The following HIVEP3 variants were observed in gnomAD, a reference collection of about 807,000 sequenced individuals.
The protein encoded by HIVEP3 is transcription factor HIVEP3.
In HIVEP3, 49 loss-of-function variants were observed where a neutral mutation model predicts 152.8. That is an observed-to-expected ratio of 0.32 (90% CI 0.26 to 0.41). The LOEUF (loss-of-function observed/expected upper bound fraction) is 0.41, where lower values mean the gene tolerates loss of function less well. Ranked by LOEUF, HIVEP3 falls within the 10% of genes least tolerant of loss-of-function variation. HIVEP3 has a pLI of 1.00. For synonymous variants in HIVEP3, 1,269 were observed against 1,289.0 expected (o/e 0.98, Z 0.33); for missense variants, 2,790 against 3,103.3 (o/e 0.90, Z 2.40).
chr1:41,933,195 C>T (rs940108481), intron 1 of HIVEP3, among the ~76,000 whole-genome samples: 1 of 151,962 alleles, frequency 6.6e-6, no homozygotes, highest in African/African-American at 2.4e-5. Context: ...GATAATGTTG[C>T]TCCAGTCATC....
chr1:41,804,616 T>C (rs777523088), intron 1 of HIVEP3, among the ~76,000 whole-genome samples: 6 of 152,328 alleles, frequency 3.9e-5, no homozygotes, highest in Non-Finnish European at 7.4e-5. Flanking sequence ...GGATTTAGAT[T>C]TCCTTAGATT....
At position 41,546,357 on chromosome 1, in the gene HIVEP3, T is replaced by C. The variant is rs573324575; in HGVS notation, c.5208-21447A>G. On this transcript the variant is annotated intron_variant, in intron 5 of 8. Transcript: ENST00000372583. ...ATCAGCTCCCTTCATGGCCTGAGAG[T>C]GGGAAATTCAGGGCACAGAAAAGCA... 1.7e-3 allele frequency among the ~76,000 whole-genome samples: 257 copies of C among 151,982 alleles called. 1 individual carries two copies. Among genetic ancestry groups the C allele is most frequent in the African/African-American group, 5.9e-3 (246 of 41,434 alleles).
At chr1:41,858,157 A>G (rs1443995562) in intron 1 of HIVEP3, among the ~76,000 whole-genome samples, 1 of 152,158 alleles carries the variant, frequency 6.6e-6, no homozygotes, top group Non-Finnish European at 1.5e-5. Context: ...CCCAGTAATC[A>G]ATGCTCCACG....
At chr1:41,746,829 T>C (rs1292779897) in intron 1 of HIVEP3, among the ~76,000 whole-genome samples, 2 of 152,180 alleles carry the variant, frequency 1.3e-5, no homozygotes, top group Non-Finnish European at 2.9e-5. Context: ...TGGCTGCCAC[T>C]ATCACTATCT....
At chr1:41,867,190 G>T (rs1454340947) in intron 1 of HIVEP3, among the ~76,000 whole-genome samples, 1 of 152,096 alleles carries the variant, frequency 6.6e-6, no homozygotes, top group African/African-American at 2.4e-5. Context: ...CTAGCTCAGG[G>T]CCAGCCTCCG....
chr1:41,963,531 G>C (rs537519095), intron 1 of HIVEP3, among the ~76,000 whole-genome samples: 1 of 144,500 alleles, frequency 6.9e-6, no homozygotes, highest in Admixed American at 6.8e-5. Flanking sequence ...GGTGGGGGGA[G>C]CGGCGAGGGG....
chr1:42,013,583 G>A (rs752900392), intron 1 of HIVEP3, among the ~76,000 whole-genome samples: 66 of 152,286 alleles, frequency 4.3e-4, no homozygotes, highest in Non-Finnish European at 9.1e-4. Context: ...CAGAATAAGG[G>A]GAGGGCCATG....
intron 1 of HIVEP3, among the ~76,000 whole-genome samples, chr1:41,844,711 A>C (rs965786724): frequency 6.6e-6 from 1 of 152,268 alleles, no homozygotes; most frequent in African/African-American, 2.4e-5. Context: ...TCCACCCTCT[A>C]CAACAATGTT....
chr1:41,980,240 G>A (rs1439776314), intron 1 of HIVEP3, among the ~76,000 whole-genome samples: 5 of 152,160 alleles, frequency 3.3e-5, no homozygotes, highest in East Asian at 1.9e-4. Context: ...ATATGTCCAC[G>A]TAAAGACTTG....
chr1:41,729,660 C>T (rs1014420378), intron 1 of HIVEP3, among the ~76,000 whole-genome samples: 3 of 152,172 alleles, frequency 2.0e-5, no homozygotes, highest in Non-Finnish European at 2.9e-5. Context: ...GGGCCCTGAC[C>T]GAGGCCACCA....
chr1:41,796,597 C>A (rs1002323625), intron 1 of HIVEP3, among the ~76,000 whole-genome samples: 4 of 152,228 alleles, frequency 2.6e-5, no homozygotes, highest in Admixed American at 1.3e-4. Flanking sequence ...CATGCCAGGG[C>A]CCCTCTCTAG....
At position 41,691,514 on chromosome 1, in the gene HIVEP3, C is replaced by T. The variant is rs113246779; in HGVS notation, c.-721+9402G>A. Among the ~76,000 whole-genome samples the T allele has an allele frequency of 6.5e-3, 986 of 152,274 alleles. 15 individuals are homozygous for T. Among genetic ancestry groups the T allele is most frequent in the African/African-American group, 0.023 (943 of 41,550 alleles). Reference sequence around the variant, plus strand: ...GTTCTGGGGACAGAATCTTCATGAACGGGATTAGTGCCCTTATAAAAGAGG... The same window carrying T: ...GTTCTGGGGACAGAATCTTCATGAATGGGATTAGTGCCCTTATAAAAGAGG... On this transcript the variant is annotated intron_variant, in intron 2 of 8. Transcript: ENST00000372583.
At chr1:41,670,396 C>G in intron 2 of HIVEP3, among the ~76,000 whole-genome samples, 1 of 152,300 alleles carries the variant, frequency 6.6e-6, no homozygotes, top group African/African-American at 2.4e-5. Context: ...AAACAGGATG[C>G]TGCCCTGAGC....
intron 1 of HIVEP3, among the ~76,000 whole-genome samples, chr1:41,940,047 C>A (rs531105989): frequency 6.6e-6 from 1 of 152,078 alleles, no homozygotes; most frequent in African/African-American, 2.4e-5. Context: ...ATATTAATTA[C>A]AAAATGATTT....
At chr1:41,575,457 A>G in intron 5 of HIVEP3, 87 bp downstream of exon 5, 1 of 1,452,186 alleles carries the variant, frequency 6.9e-7, no homozygotes, top group East Asian at 2.3e-5. Context: ...AGCCCTTGCC[A>G]ACTGAGCCAC....
chr1:41,672,854 A>C (rs1558167598), intron 2 of HIVEP3, among the ~76,000 whole-genome samples: 1 of 152,234 alleles, frequency 6.6e-6, no homozygotes, highest in Non-Finnish European at 1.5e-5. Context: ...TGAGTTAAAC[A>C]CTTACGTAAA....
intron 1 of HIVEP3, among the ~76,000 whole-genome samples, chr1:41,704,464 C>A (rs965405872): frequency 6.6e-6 from 1 of 152,266 alleles, no homozygotes; most frequent in African/African-American, 2.4e-5. Context: ...CCAGTGCCAG[C>A]AACTAGCAGC....
At chr1:41,907,848 A>G (rs1423709949) in intron 1 of HIVEP3, among the ~76,000 whole-genome samples, 2 of 152,200 alleles carry the variant, frequency 1.3e-5, no homozygotes, top group Non-Finnish European at 2.9e-5. Flanking sequence ...ACTCAGACAC[A>G]TGGGCAATGG....
intron 1 of HIVEP3, among the ~76,000 whole-genome samples, chr1:42,028,665 T>C (rs1406969448): frequency 6.6e-6 from 1 of 152,226 alleles, no homozygotes; most frequent in African/African-American, 2.4e-5. Context: ...ATGCCAAGTA[T>C]AGTTACCCTC....
Sources: gnomAD v4.1 joint callset for allele counts (sites outside exome capture counted in the v4.1 genomes callset) on GRCh38, gnomAD v4.1.1 for gene constraint, MANE v1.5 for transcripts, NCBI Gene and HGNC (gene_info 2026-07-23, HGNC 2026-07-21) for gene names.